NALF1: variants seen among roughly 807,000 people sequenced by gnomAD.
NALF1 encodes the protein family with sequence similarity 155 member A.
NALF1 carries 3 observed loss-of-function variants against 48.4 expected under a neutral mutation model. That is an observed-to-expected ratio of 0.06 (90% confidence interval 0.03 to 0.16). The LOEUF (loss-of-function observed/expected upper bound fraction) is 0.16, where lower values mean the gene tolerates loss of function less well. NALF1 is among the 10% of genes least tolerant of loss of function. NALF1 has a pLI of 1.00. For synonymous variants in NALF1, 262 were observed against 245.7 expected, an observed-to-expected ratio of 1.07 and a Z score of -0.62; for missense variants, 526 against 571.5, an observed-to-expected ratio of 0.92 and a Z score of 0.81.
rs1043530838 is a variant in NALF1 at position 107,562,726 on chromosome 13, G to A, written c.915+302956C>T. Among the ~76,000 whole-genome samples the A allele has an allele frequency of 2.6e-5, 4 of 152,156 alleles. No individual in the cohort carries two copies. The South Asian group carries it at 6.2e-4, about 24-fold the overall frequency. ...CATTCTTTAGACATCTTTTGACTATGCCTTGTGCTCCTGGCTAAAAGAGCA... is the reference window on the plus strand; with the variant it reads ...CATTCTTTAGACATCTTTTGACTATACCTTGTGCTCCTGGCTAAAAGAGCA... On this transcript the variant is annotated intron_variant, in intron 1 of 2. Transcript: ENST00000375915.
In NALF1 at chr13:107,298,864, A is replaced by G. The variant is rs552989691; in HGVS notation, c.916-88109T>C. Reference sequence around the variant, plus strand: ...AATGATAACAACTTACATAACTACAATGCAATTCTCAAAAACAAGTAATTA... The same window carrying G: ...AATGATAACAACTTACATAACTACAGTGCAATTCTCAAAAACAAGTAATTA... On this transcript the variant is annotated intron_variant, in intron 1 of 2. Coordinates refer to ENST00000375915, the MANE Select transcript of NALF1 (RefSeq NM_001080396.3). Among the ~76,000 whole-genome samples the G allele has an allele frequency of 2.0e-5, 3 of 152,338 alleles. No individual in the cohort carries two copies. The South Asian group carries it at 6.2e-4, about 32-fold the overall frequency.
chr13:107,224,092 T>C (rs1306514651), intron 1 of NALF1, among the ~76,000 whole-genome samples: 1 of 152,150 alleles, frequency 6.6e-6, no homozygotes, highest in Non-Finnish European at 1.5e-5. Context: ...TTGAAAACTA[T>C]AATCAATGGA....
At chr13:107,660,017 C>G (rs1216637911) in intron 1 of NALF1, among the ~76,000 whole-genome samples, 1 of 151,960 alleles carries the variant, frequency 6.6e-6, no homozygotes, top group Non-Finnish European at 1.5e-5. Context: ...AGGCATGAGC[C>G]ACCGCACCTG....
intron 1 of NALF1, among the ~76,000 whole-genome samples, chr13:107,622,819 T>C (rs1879562607): frequency 6.6e-6 from 1 of 152,228 alleles, no homozygotes; most frequent in African/African-American, 2.4e-5. Context: ...TCAGGAACTA[T>C]TATGGTAACT....
In NALF1 at chr13:107,604,588, G is replaced by A. The variant is rs189098517; in HGVS notation, c.915+261094C>T. Reference sequence around the variant, plus strand: ...CTCAGTTGAAAAGGCAAGTAAGAAAGTTATTCTCCACAATTAAGGCTGGAG... The same window carrying A: ...CTCAGTTGAAAAGGCAAGTAAGAAAATTATTCTCCACAATTAAGGCTGGAG... On this transcript the variant is annotated intron_variant, in intron 1 of 2. Transcript: ENST00000375915. 1.5e-3 allele frequency among the ~76,000 whole-genome samples: 229 copies of A among 152,262 alleles called. 3 individuals are homozygous for A. The highest frequency in any genetic ancestry group is 0.013 in the Admixed American group (201 of 15,296).
At chr13:107,558,055 G>C (rs551214741) in intron 1 of NALF1, among the ~76,000 whole-genome samples, 1 of 151,676 alleles carries the variant, frequency 6.6e-6, no homozygotes, top group South Asian at 2.1e-4. Flanking sequence ...AACCCAAGCT[G>C]CGTCCCTGTT....
At chr13:107,700,268 A>G (rs897856857) in intron 1 of NALF1, among the ~76,000 whole-genome samples, 3 of 152,120 alleles carry the variant, frequency 2.0e-5, no homozygotes, top group African/African-American at 7.2e-5. Flanking sequence ...ACAAAGTTAC[A>G]GTACTCAGAA....
chr13:107,352,433 C>T (rs765793696), intron 1 of NALF1, among the ~76,000 whole-genome samples: 12 of 152,180 alleles, frequency 7.9e-5, no homozygotes, highest in Non-Finnish European at 1.6e-4. Flanking sequence ...TTATCATAGG[C>T]TCAGTGGCTT....
intron 1 of NALF1, among the ~76,000 whole-genome samples, chr13:107,425,487 T>A (rs1884264487): frequency 6.6e-6 from 1 of 152,206 alleles, no homozygotes; most frequent in Non-Finnish European, 1.5e-5. Context: ...TGTACTATGA[T>A]GTTGACTAGG....
chr13:107,324,697 A>G lies in NALF1; in HGVS notation c.916-113942T>C, dbSNP rs550466428. On this transcript the variant is annotated intron_variant, in intron 1 of 2. Coordinates refer to ENST00000375915, the MANE Select transcript of NALF1 (RefSeq NM_001080396.3). ...GTGCCTGTGTGTGTGCACAGTAGAT[A>G]TACTTGTAAACTCATGAAACAGTGG... Among the ~76,000 whole-genome samples, 10 of 152,320 alleles carry G rather than the reference A, an allele frequency of 6.6e-5. No homozygotes were observed. The East Asian group carries it at 1.7e-3, about 26-fold the overall frequency.
intron 1 of NALF1, among the ~76,000 whole-genome samples, chr13:107,430,530 A>G (rs368464659): frequency 7.2e-5 from 11 of 152,000 alleles, no homozygotes; most frequent in Admixed American, 5.2e-4. Flanking sequence ...ATTCCCACCT[A>G]TGAGTGAGAA....
Position 107,299,710 on chromosome 13 carries a change from T to C in NALF1, c.916-88955A>G, listed in dbSNP as rs1366395525. ...TTTATTTATTTATTTATTTATTTAT[T>C]TATTTATTCGATTATGTATTTGAAT... On this transcript the variant is annotated intron_variant, in intron 1 of 2. Transcript: ENST00000375915. Among the ~76,000 whole-genome samples, 3 of 151,656 alleles carry C rather than the reference T, an allele frequency of 2.0e-5. No individual in the cohort carries two copies. The East Asian group carries it at 5.8e-4, about 29-fold the overall frequency.
Position 107,237,494 on chromosome 13 carries a change from TC to T in NALF1, c.916-26740del, listed in dbSNP as rs371898947. 2.0e-3 allele frequency among the ~76,000 whole-genome samples: 307 copies of T among 152,296 alleles called. 3 individuals are homozygous for T. Among genetic ancestry groups the T allele is most frequent in the African/African-American group, 6.7e-3 (278 of 41,556 alleles). Reference sequence around the variant, plus strand: ...ACCCAGATCCACAGATGCTTAAGCTTCCCATATAAAATGGGGTAGCATTTGC... The same window carrying T: ...ACCCAGATCCACAGATGCTTAAGCTTCCATATAAAATGGGGTAGCATTTGC... On this transcript the variant is annotated intron_variant, in intron 1 of 2. Coordinates refer to ENST00000375915, the MANE Select transcript of NALF1 (RefSeq NM_001080396.3).
intron 2 of NALF1, among the ~76,000 whole-genome samples, chr13:107,210,167 TAAAAG>T (rs919616680): frequency 4.6e-5 from 7 of 151,982 alleles, no homozygotes; most frequent in African/African-American, 1.7e-4. Flanking sequence ...GAAAATAAAA[TAAAAG>T]AAAATAGGCA....
intron 1 of NALF1, among the ~76,000 whole-genome samples, chr13:107,446,088 G>A (rs569141879): frequency 3.2e-4 from 48 of 151,880 alleles, no homozygotes; most frequent in Non-Finnish European, 5.7e-4. Flanking sequence ...ACAGGCACAC[G>A]CCACCATGCC....
chr13:107,557,949 G>A (rs930369736), intron 1 of NALF1, among the ~76,000 whole-genome samples: 1 of 152,062 alleles, frequency 6.6e-6, no homozygotes, highest in African/African-American at 2.4e-5. Context: ...GTTGTGCGTT[G>A]GTATTCTTGT....
At chr13:107,808,703 TAGG>T (rs1878889282) in intron 1 of NALF1, among the ~76,000 whole-genome samples, 1 of 151,500 alleles carries the variant, frequency 6.6e-6, no homozygotes, top group Non-Finnish European at 1.5e-5. Flanking sequence ...TTAGATAGAT[TAGG>T]AGAACAAAGT....
At chr13:107,455,184 G>GT (rs1191825049) in intron 1 of NALF1, among the ~76,000 whole-genome samples, 1 of 152,008 alleles carries the variant, frequency 6.6e-6, no homozygotes, top group Non-Finnish European at 1.5e-5. Context: ...CACTATGATT[G>GT]TAAGTTTTCT....
intron 1 of NALF1, among the ~76,000 whole-genome samples, chr13:107,223,382 C>G (rs548869540): frequency 4.5e-4 from 69 of 152,114 alleles, no homozygotes; most frequent in Middle Eastern, 6.8e-3. Context: ...CTTTTGTGGA[C>G]AGCAGAAAAA....
Sources: allele counts gnomAD v4.1 joint callset (sites outside exome capture counted in the v4.1 genomes callset), GRCh38; gene constraint gnomAD v4.1.1; transcripts MANE v1.5; gene names NCBI Gene and HGNC (gene_info 2026-07-23, HGNC 2026-07-21).